Variants in MEGF6 observed in about 807,000 individuals in gnomAD.
MEGF6 encodes the protein multiple epidermal growth factor-like domains protein 6.
In MEGF6, 184 loss-of-function variants were observed where a neutral mutation model predicts 207.1. The observed-to-expected ratio is 0.89, with a 90% CI of 0.79 to 1.00. MEGF6 has a LOEUF of 1.00. Among genes scored for constraint, MEGF6 ranks in the 50% least tolerant of loss-of-function variants. The pLI, the probability that MEGF6 is intolerant of heterozygous loss-of-function variation, is 0.00. For synonymous variants in MEGF6, 1,038 were observed against 910.0 expected (o/e 1.14, Z -2.53); for missense variants, 2,282 against 2,202.9 (o/e 1.04, Z -0.72).
chr1:3,611,082 A>T, intron 1 of MEGF6, 56 bp downstream of exon 1: 1 of 1,416,214 alleles, frequency 7.1e-7, no homozygotes, highest in South Asian at 1.5e-5. Flanking sequence ...ACGGGCCTCC[A>T]GAGGCCCCGG....
Position 3,511,686 on chromosome 1 carries a change from C to A in MEGF6, c.978G>T (p.Arg326=), listed in dbSNP as rs572034017. The A allele has an allele frequency of 1.9e-6, 3 of 1,603,852 alleles. No individual in the cohort carries two copies. The highest frequency in any genetic ancestry group is 2.2e-5 in the South Asian group (2 of 90,722). ...ELGADGRQCY[R]IEMEIVNSCE... is the part of the protein sequence containing the mutation. ...AGCTGTTCACGATTTCCATCTCAAT[C>A]CCTGCCGTGAGACCAGCCACCCAGG... The change falls in exon 9 of 37, where the codon CGG becomes CGT. Residue 326 remains arginine, a splice_region_variant and synonymous_variant. Coordinates refer to ENST00000356575, the MANE Select transcript of MEGF6 (RefSeq NM_001409.4).
chr1:3,497,268 C>T lies in MEGF6; in HGVS notation c.3446G>A (p.Cys1149Tyr). ...ACHHVTGACR[C>Y]PPGFTGSGCE... is the part of the protein sequence containing the mutation. ...GCCGGAGCCAGTGAAGCCAGGGGGA[C>T]AGCGGCAGGCCCCAGTGACGTGGTG... The change falls in exon 27 of 37, where the codon TGT becomes TAT. Residue 1149 changes from cysteine to tyrosine, a missense_variant. Coordinates refer to ENST00000356575, the MANE Select transcript of MEGF6 (RefSeq NM_001409.4). 3 of 1,546,326 alleles carry T rather than the reference C, an allele frequency of 1.9e-6. No homozygotes were observed. The highest frequency in any genetic ancestry group is 2.6e-6 in the Non-Finnish European group (3 of 1,148,490).
chr1:3,520,177 G>T (rs1391500561), intron 5 of MEGF6, among the ~76,000 whole-genome samples: 1 of 152,230 alleles, frequency 6.6e-6, no homozygotes, highest in African/African-American at 2.4e-5. Context: ...GGGCCCAGGA[G>T]TGCTGCTCAA....
chr1:3,618,806 C>T, the MEGF6 span, among the ~76,000 whole-genome samples: 1 of 152,300 alleles, frequency 6.6e-6, no homozygotes, highest in East Asian at 1.9e-4. The surrounding 1 kb of genome is among the most constrained non-coding windows in gnomAD (Gnocchi z 4.7). Context: ...AGAAACATTC[C>T]TCAGCCCAAA....
chr1:3,578,343 A>G (rs990254224), intron 4 of MEGF6, among the ~76,000 whole-genome samples: 1 of 152,166 alleles, frequency 6.6e-6, no homozygotes, highest in African/African-American at 2.4e-5. Flanking sequence ...ACATTTCTCA[A>G]CTCCCACCTG....
At chr1:3,599,336 C>T (rs1015556961) in intron 2 of MEGF6, among the ~76,000 whole-genome samples, 1 of 152,228 alleles carries the variant, frequency 6.6e-6, no homozygotes, top group African/African-American at 2.4e-5. Context: ...GACCCTGCAC[C>T]AGGCAAGCCA....
chr1:3,517,884 T>C (rs75381625), intron 5 of MEGF6, among the ~76,000 whole-genome samples: 19 of 152,328 alleles, frequency 1.2e-4, no homozygotes, highest in African/African-American at 4.1e-4. Flanking sequence ...TGTCTTTCAC[T>C]TCTTTAATAC....
the MEGF6 span, among the ~76,000 whole-genome samples, chr1:3,621,962 A>C: frequency 6.6e-6 from 1 of 152,256 alleles, no homozygotes; most frequent in African/African-American, 2.4e-5. Flanking sequence ...CAGTACCTCC[A>C]TTATACCTTG....
intron 5 of MEGF6, among the ~76,000 whole-genome samples, chr1:3,523,622 G>A (rs1040367935): frequency 1.3e-5 from 2 of 152,184 alleles, no homozygotes; most frequent in Non-Finnish European, 2.9e-5. Context: ...ACAAAGCCTG[G>A]CTCTGCGGGC....
rs1640857341 is a variant in MEGF6 at position 3,501,385 on chromosome 1, C to T, written c.2315-77G>A. 25 of 1,504,480 alleles carry T rather than the reference C, an allele frequency of 1.7e-5. No individual in the cohort carries two copies. In the Middle Eastern group the frequency reaches 6.9e-4, roughly 41 times the overall value. The allele number at this position is 1,504,480 out of a possible 1,614,324, so 93.2% of individuals were successfully genotyped here. A position where few individuals can be genotyped will look rare whatever the true frequency, so the allele number is the denominator to read the frequency against. On this transcript the variant is annotated intron_variant, in intron 18 of 36. Transcript: ENST00000356575. ...CATCAACATAACATGGCACGATGCCCCTGGAGCCACGGCCGAGGAGGTGGA... is the reference window on the plus strand; with the variant it reads ...CATCAACATAACATGGCACGATGCCTCTGGAGCCACGGCCGAGGAGGTGGA...
Position 3,499,096 on chromosome 1 carries a change from C to T in MEGF6, c.3094+42G>A, listed in dbSNP as rs1640738683. On this transcript the variant is annotated intron_variant, in intron 24 of 36. Coordinates refer to ENST00000356575, the MANE Select transcript of MEGF6 (RefSeq NM_001409.4). Reference sequence around the variant, plus strand: ...CCTGCAAGAGGCCAGCACCCTCGCTCAGGCCTGGACCCCGGTCCCTGGACT... The same window carrying T: ...CCTGCAAGAGGCCAGCACCCTCGCTTAGGCCTGGACCCCGGTCCCTGGACT... The T allele has an allele frequency of 2.5e-6, 4 of 1,591,306 alleles. No homozygotes were observed. The South Asian group carries it at 4.5e-5, about 18-fold the overall frequency.
Position 3,502,049 on chromosome 1 carries a change from CCGG to C in MEGF6, c.2189-131_2189-129del, listed in dbSNP as rs1188641082. ...ATGGGCTCCTGGCGAGTGTGCCCCCCCGGCGCCTCCTCACATGGGCTCCTGGCG... is the reference window on the plus strand; with the variant it reads ...ATGGGCTCCTGGCGAGTGTGCCCCCCCGCCTCCTCACATGGGCTCCTGGCG... On this transcript the variant is annotated intron_variant, in intron 17 of 36. Transcript: ENST00000356575. 1.9e-5 allele frequency: 9 copies of C among 465,666 alleles called. No homozygotes were observed. In the African/African-American group the frequency reaches 2.6e-4, roughly 13 times the overall value. 28.8% of individuals were successfully genotyped at this position (465,666 alleles called of 1,614,324 possible). A position where few individuals can be genotyped will look rare whatever the true frequency, so the allele number is the denominator to read the frequency against.
Position 3,538,745 on chromosome 1 carries a change from T to TGTGTGTGTGTGTGA in MEGF6, c.482-14500_482-14499insTCACACACACACAC, listed in dbSNP as rs57713922. ...GTGTGTGTGTGTGTGTGTGTGTGTGTCCGCGCTGTCTGTGGGTTCTCTGTT... is the reference window on the plus strand; with the variant it reads ...GTGTGTGTGTGTGTGTGTGTGTGTGTGTGTGTGTGTGTGACCGCGCTGTCTGTGGGTTCTCTGTT... On this transcript the variant is annotated intron_variant, in intron 4 of 36. Transcript: ENST00000356575. 4.0e-4 allele frequency among the ~76,000 whole-genome samples: 50 copies of TGTGTGTGTGTGTGA among 126,514 alleles called. 1 individual carries two copies. The East Asian group carries it at 4.2e-3, about 11-fold the overall frequency. The allele number at this position is 126,514 out of a possible 152,430, so 83.0% of individuals were successfully genotyped here.
the MEGF6 span, among the ~76,000 whole-genome samples, chr1:3,620,617 C>A: frequency 6.6e-6 from 1 of 152,210 alleles, no homozygotes; most frequent in African/African-American, 2.4e-5. Flanking sequence ...GGGGTGGGAG[C>A]CTCCACACAC....
At chr1:3,527,382 G>A (rs533225392) in intron 4 of MEGF6, among the ~76,000 whole-genome samples, 1 of 152,328 alleles carries the variant, frequency 6.6e-6, no homozygotes, top group African/African-American at 2.4e-5. Context: ...GACACGAACA[G>A]CCCCAGGAGG....
At chr1:3,540,209 A>G (rs1393997458) in intron 4 of MEGF6, among the ~76,000 whole-genome samples, 1 of 152,184 alleles carries the variant, frequency 6.6e-6, no homozygotes, top group Non-Finnish European at 1.5e-5. Context: ...CTTAACTGAG[A>G]ACGTGCCTGC....
upstream of MEGF6, among the ~76,000 whole-genome samples, chr1:3,615,035 G>A (rs931405821): frequency 5.9e-5 from 9 of 152,192 alleles, no homozygotes; most frequent in Admixed American, 1.3e-4. Context: ...TCTAAACGAC[G>A]GCACAGCCAG....
At chr1:3,586,507 G>C (rs1643896104) in intron 3 of MEGF6, among the ~76,000 whole-genome samples, 1 of 152,154 alleles carries the variant, frequency 6.6e-6, no homozygotes, top group African/African-American at 2.4e-5. Context: ...TGACTCCATA[G>C]GAGGAGAGAC....
intron 14 of MEGF6, 27 bp downstream of exon 14, chr1:3,507,768 A>G (rs777218122): frequency 1.9e-6 from 3 of 1,612,580 alleles, no homozygotes; most frequent in South Asian, 2.2e-5. Flanking sequence ...GGGTAATTCC[A>G]GAAGCACCAG....
Sources: gnomAD v4.1 joint callset for allele counts (sites outside exome capture counted in the v4.1 genomes callset) on GRCh38, gnomAD v4.1.1 for gene constraint, Gnocchi (gnomAD v3.1) non-coding constraint, MANE v1.5 for transcripts, NCBI Gene and HGNC (gene_info 2026-07-23, HGNC 2026-07-21) for gene names.